Variants in LIN28B observed in about 807,000 individuals in gnomAD.
LIN28B encodes protein lin-28 homolog B.
LIN28B carries 5 observed loss-of-function variants against 21.9 expected under a neutral mutation model. The ratio of observed to expected loss-of-function variants is 0.23; its 90% CI spans 0.12 to 0.48. The LOEUF (loss-of-function observed/expected upper bound fraction) is 0.48. LIN28B is among the 20% of genes least tolerant of loss of function. The pLI is 0.98. For missense variants in LIN28B, 245 were observed against 310.5 expected (o/e 0.79, Z 1.58); for synonymous variants, 109 against 111.3 (o/e 0.98, Z 0.13).
Position 105,005,965 on chromosome 6 carries a change from A to G in LIN28B, c.199-20333A>G, listed in dbSNP as rs142776243. 3.5e-3 allele frequency among the ~76,000 whole-genome samples: 533 copies of G among 152,330 alleles called. 6 individuals are homozygous for G. Among genetic ancestry groups the G allele is most frequent in the South Asian group, 0.015 (71 of 4,822 alleles). On this transcript the variant is annotated intron_variant, in intron 2 of 3. Coordinates refer to ENST00000345080, the MANE Select transcript of LIN28B (RefSeq NM_001004317.4). ...TTCTGACTCATTTCATAGATGCATT[A>G]TAATCTTTCATCCAGCTGAGGAATA...
intron 2 of LIN28B, among the ~76,000 whole-genome samples, chr6:105,009,438 A>G (rs1770879279): frequency 6.6e-6 from 1 of 152,182 alleles, no homozygotes; most frequent in Admixed American, 6.5e-5. Flanking sequence ...GTGGAAAGCC[A>G]AAGTTTTGGG....
intron 2 of LIN28B, among the ~76,000 whole-genome samples, chr6:105,016,182 T>G (rs766470461): frequency 9.5e-4 from 145 of 152,238 alleles, no homozygotes; most frequent in Admixed American, 1.8e-3. Flanking sequence ...ACCCATTTCT[T>G]GTGATTCATT....
At chr6:104,942,869 A>T (rs1778113069) in intron 2 of LIN28B, among the ~76,000 whole-genome samples, 1 of 151,516 alleles carries the variant, frequency 6.6e-6, no homozygotes, top group Admixed American at 6.6e-5. Flanking sequence ...ATCGGGTTGT[A>T]ATGCATATTG....
In LIN28B at chr6:105,033,681, T is replaced by TACAGCTG. The variant is rs530473783; in HGVS notation, c.383+7200_383+7206dup. 5.8e-3 allele frequency among the ~76,000 whole-genome samples: 875 copies of TACAGCTG among 152,032 alleles called. 6 individuals carry two copies. Among genetic ancestry groups the TACAGCTG allele is most frequent in the African/African-American group, 0.021 (861 of 41,556 alleles). On this transcript the variant is annotated intron_variant, in intron 3 of 3. Transcript: ENST00000345080. Reference sequence around the variant, plus strand: ...AGAGTAAAGAAATTTAACGAGTCTATACAGCTGTCTTTATAAAAAAGTGAA... The same window carrying TACAGCTG: ...AGAGTAAAGAAATTTAACGAGTCTATACAGCTGACAGCTGTCTTTATAAAAAAGTGAA...
intron 2 of LIN28B, among the ~76,000 whole-genome samples, chr6:105,024,598 A>G (rs925548009): frequency 5.9e-5 from 9 of 152,088 alleles, no homozygotes; most frequent in African/African-American, 1.7e-4. Flanking sequence ...TTTTCCCCCA[A>G]CATTTCATCA....
intron 2 of LIN28B, among the ~76,000 whole-genome samples, chr6:105,013,905 C>T (rs531293464): frequency 2.6e-5 from 4 of 152,058 alleles, no homozygotes; most frequent in African/African-American, 7.2e-5. Flanking sequence ...TTGGTGGTGA[C>T]GGGCCCTCTT....
At chr6:105,058,920 A>G (rs1051429784) in intron 3 of LIN28B, among the ~76,000 whole-genome samples, 3 of 152,178 alleles carry the variant, frequency 2.0e-5, no homozygotes, top group African/African-American at 7.2e-5. Context: ...GTGATTTTCA[A>G]AAGAATATAT....
chr6:105,065,620 CT>C (rs1362867636), intron 3 of LIN28B, among the ~76,000 whole-genome samples: 3 of 152,214 alleles, frequency 2.0e-5, no homozygotes, highest in Non-Finnish European at 4.4e-5. Context: ...GAAGCCTTTC[CT>C]TTCTGACTTG....
intron 2 of LIN28B, among the ~76,000 whole-genome samples, chr6:105,009,456 G>C (rs936171321): frequency 1.3e-5 from 2 of 152,038 alleles, no homozygotes; most frequent in African/African-American, 2.4e-5. Context: ...GGGGTTTTTT[G>C]GGGGGGAGGC....
chr6:104,982,292 C>T (rs1042981091), intron 2 of LIN28B, among the ~76,000 whole-genome samples: 22 of 146,046 alleles, frequency 1.5e-4, no homozygotes, highest in African/African-American at 4.1e-4. Context: ...CCAGCTTGGG[C>T]GATACAGCAA....
intron 2 of LIN28B, among the ~76,000 whole-genome samples, chr6:104,985,719 C>T (rs368782282): frequency 6.6e-6 from 1 of 152,010 alleles, no homozygotes; most frequent in African/African-American, 2.4e-5. Context: ...CTTTGTCTAC[C>T]TCATGGTCAT....
intron 3 of LIN28B, among the ~76,000 whole-genome samples, chr6:105,049,951 A>G (rs1377114696): frequency 1.3e-5 from 2 of 152,042 alleles, no homozygotes; most frequent in African/African-American, 2.4e-5. Flanking sequence ...TTGACTTTTT[A>G]TCCAATTTGC....
At chr6:104,997,520 A>T (rs911412465) in intron 2 of LIN28B, among the ~76,000 whole-genome samples, 2 of 151,990 alleles carry the variant, frequency 1.3e-5, no homozygotes, top group Non-Finnish European at 2.9e-5. Context: ...ATAATATAGT[A>T]CCAACAAAAA....
intron 2 of LIN28B, among the ~76,000 whole-genome samples, chr6:104,993,327 G>C (rs114034237): frequency 6.6e-6 from 1 of 151,970 alleles, no homozygotes; most frequent in Non-Finnish European, 1.5e-5. Flanking sequence ...AAATTAGCTG[G>C]GCATGGTGGA....
intron 3 of LIN28B, among the ~76,000 whole-genome samples, chr6:105,073,391 A>G (rs904215923): frequency 5.3e-5 from 8 of 151,878 alleles, no homozygotes; most frequent in Non-Finnish European, 8.8e-5. Flanking sequence ...TGGAAACTTT[A>G]TTAATCCTTT....
intron 2 of LIN28B, among the ~76,000 whole-genome samples, chr6:104,969,005 A>T: frequency 6.6e-6 from 1 of 152,200 alleles, no homozygotes; most frequent in East Asian, 1.9e-4. Context: ...CTTCCAAGTT[A>T]GTAACACTTT....
chr6:105,046,328 C>G (rs1771760389), intron 3 of LIN28B, among the ~76,000 whole-genome samples: 1 of 152,130 alleles, frequency 6.6e-6, no homozygotes, highest in African/African-American at 2.4e-5. Context: ...CATCCATGTC[C>G]CTACAAAGGA....
chr6:104,942,334 C>G (rs1778106253), intron 2 of LIN28B, among the ~76,000 whole-genome samples: 1 of 151,864 alleles, frequency 6.6e-6, no homozygotes, highest in Admixed American at 6.6e-5. Context: ...TTTTTTGGTG[C>G]TGGTTATTAC....
intron 2 of LIN28B, among the ~76,000 whole-genome samples, chr6:105,012,753 A>C (rs1286375258): frequency 2.0e-5 from 3 of 152,172 alleles, no homozygotes; most frequent in African/African-American, 7.2e-5. Context: ...GTTTTGGGCT[A>C]TTATGGATAA....
Sources: allele counts gnomAD v4.1 joint callset (sites outside exome capture counted in the v4.1 genomes callset), GRCh38; gene constraint gnomAD v4.1.1; transcripts MANE v1.5; gene names NCBI Gene and HGNC (gene_info 2026-07-23, HGNC 2026-07-21).